MYO16: variants seen among roughly 807,000 people sequenced by gnomAD.
MYO16 encodes the protein unconventional myosin-XVI.
MYO16 carries 94 observed loss-of-function variants against 205.3 expected under a neutral mutation model. The observed-to-expected ratio is 0.46, with a 90% CI of 0.39 to 0.54. The LOEUF is 0.54. MYO16 is among the 20% of genes least tolerant of loss of function. The pLI, the probability that MYO16 is intolerant of heterozygous loss-of-function variation, is 0.00. For synonymous variants in MYO16, 988 were observed against 954.0 expected (o/e 1.04, Z -0.66); for missense variants, 2,315 against 2,387.5 (o/e 0.97, Z 0.63).
chr13:108,586,151 C>G, the MYO16 span, among the ~76,000 whole-genome samples: 1 of 152,158 alleles, frequency 6.6e-6, no homozygotes, highest in South Asian at 2.1e-4. Context: ...AACACACACA[C>G]ATACACACAT....
intron 32 of MYO16, among the ~76,000 whole-genome samples, chr13:109,150,021 A>G (rs1213892113): frequency 6.6e-6 from 1 of 152,138 alleles, no homozygotes; most frequent in African/African-American, 2.4e-5. Flanking sequence ...CTTCAACCTC[A>G]TAAGTGGGGT....
chr13:109,011,539 G>A (rs578187036), intron 22 of MYO16, among the ~76,000 whole-genome samples: 1 of 136,772 alleles, frequency 7.3e-6, no homozygotes, highest in Admixed American at 8.3e-5. Context: ...GTTTGAGACA[G>A]AGTCTCGCTC....
At chr13:108,798,697 T>A (rs1037563843) in intron 6 of MYO16, among the ~76,000 whole-genome samples, 25 of 105,458 alleles carry the variant, frequency 2.4e-4, no homozygotes, top group South Asian at 3.9e-4. Context: ...TATTTTTTTT[T>A]TTTTTTTTTT....
chr13:108,581,415 C>T, the MYO16 span, among the ~76,000 whole-genome samples: 2 of 152,196 alleles, frequency 1.3e-5, no homozygotes, highest in South Asian at 4.1e-4. Flanking sequence ...CTGTCTAATT[C>T]TTTTTCAAGG....
chr13:108,867,619 C>T (rs1205171036), intron 12 of MYO16, among the ~76,000 whole-genome samples: 2 of 152,306 alleles, frequency 1.3e-5, no homozygotes, highest in East Asian at 3.9e-4. Context: ...AAGCTCAGTT[C>T]TGTATCTTTC....
At chr13:108,592,671 G>C (rs1566495309), upstream of MYO16, among the ~76,000 whole-genome samples, 2 of 149,484 alleles carry the variant, frequency 1.3e-5, no homozygotes. Context: ...GGAGTGGGGT[G>C]GGGCTGTGGG....
At chr13:108,932,070 T>C (rs1036582655) in intron 16 of MYO16, among the ~76,000 whole-genome samples, 1 of 152,252 alleles carries the variant, frequency 6.6e-6, no homozygotes, top group Non-Finnish European at 1.5e-5. Flanking sequence ...CTTCATTCCT[T>C]TGTGAACGGT....
Position 109,046,827 on chromosome 13 carries a change from C to A in MYO16, c.2797-89C>A, listed in dbSNP as rs1209183029. On this transcript the variant is annotated intron_variant, in intron 23 of 34. Coordinates refer to ENST00000457511, the MANE Select transcript of MYO16 (RefSeq NM_001198950.3). ...CACTTCTTTTATGAATATTTGAAAACTTCAGCTGGGTCAAGTTATCCTTTA... is the reference window on the plus strand; with the variant it reads ...CACTTCTTTTATGAATATTTGAAAAATTCAGCTGGGTCAAGTTATCCTTTA... The A allele has an allele frequency of 6.3e-6, 7 of 1,111,376 alleles. No individual in the cohort carries two copies. In the Admixed American group the frequency reaches 9.8e-5, roughly 16 times the overall value. The allele number at this position is 1,111,376 out of a possible 1,614,324, so 68.8% of individuals were successfully genotyped here.
chr13:108,990,267 A>G (rs1884785175), intron 20 of MYO16, among the ~76,000 whole-genome samples: 1 of 152,138 alleles, frequency 6.6e-6, no homozygotes, highest in Admixed American at 6.6e-5. Flanking sequence ...CTCTTTGTGC[A>G]TATCATAAGG....
chr13:108,622,363 T>C (rs572096224), intron 1 of MYO16, among the ~76,000 whole-genome samples: 3 of 152,202 alleles, frequency 2.0e-5, no homozygotes, highest in African/African-American at 4.8e-5. Flanking sequence ...TCACAGGAAT[T>C]TGAACCTCAA....
At chr13:109,019,580 G>A (rs1252454298) in intron 22 of MYO16, 131 bp from the exon 23 acceptor site, 3 of 689,486 alleles carry the variant, frequency 4.4e-6, no homozygotes, top group Admixed American at 2.9e-5. Context: ...ATATATTAAG[G>A]TAAAGACTGA....
chr13:108,622,167 A>G (rs973196398), intron 1 of MYO16, among the ~76,000 whole-genome samples: 1 of 152,172 alleles, frequency 6.6e-6, no homozygotes, highest in Non-Finnish European at 1.5e-5. Flanking sequence ...ACTCTAGGAA[A>G]GGCAGTGATG....
intron 16 of MYO16, among the ~76,000 whole-genome samples, chr13:108,911,244 C>T (rs558428419): frequency 1.3e-5 from 2 of 152,244 alleles, no homozygotes; most frequent in South Asian, 4.1e-4. Flanking sequence ...CTCTGCTTTG[C>T]TGTGCTATTT....
the MYO16 span, among the ~76,000 whole-genome samples, chr13:108,569,186 A>T: frequency 6.6e-6 from 1 of 152,100 alleles, no homozygotes; most frequent in Non-Finnish European, 1.5e-5. Flanking sequence ...CAGCTTGCCA[A>T]ATTTATCACA....
chr13:108,811,135 G>A (rs2138993568), intron 7 of MYO16, among the ~76,000 whole-genome samples: 1 of 152,126 alleles, frequency 6.6e-6, no homozygotes, highest in Non-Finnish European at 1.5e-5. Flanking sequence ...TACAAATGCT[G>A]GAATCTAAGT....
rs1315375934 is a variant in MYO16, at chr13:108,820,382, C to T, written c.913C>T (p.Leu305Phe). The T allele has an allele frequency of 6.2e-7, 1 of 1,607,342 alleles. No individual in the cohort carries two copies. Among genetic ancestry groups the T allele is most frequent in the South Asian group, 1.1e-5 (1 of 89,756 alleles). Residue 305 changes from leucine (L) to phenylalanine (F), a missense_variant, in exon 8 of 35, where the codon CTC becomes TTC. This residue lies in a region of MYO16 where 1,213 missense variants were observed against 1,274.4 expected (regional missense o/e 0.95). Coordinates refer to ENST00000457511, the MANE Select transcript of MYO16 (RefSeq NM_001198950.3). ...LLLMHQANPH[L>F]VNCNEEKASD... ...CCTGATGCATCAGGCAAACCCACAC[C>T]TCGTGAACTGTAATGAGGAGAAGGC...
chr13:109,024,986 A>G (rs895116967), intron 23 of MYO16, among the ~76,000 whole-genome samples: 2 of 152,220 alleles, frequency 1.3e-5, no homozygotes, highest in East Asian at 1.9e-4. Flanking sequence ...TCAACATGCA[A>G]GGTCTAGTTT....
chr13:109,017,548 G>T (rs780305104), intron 22 of MYO16, among the ~76,000 whole-genome samples: 9 of 152,074 alleles, frequency 5.9e-5, no homozygotes, highest in Non-Finnish European at 1.3e-4. Flanking sequence ...TGGATATCCT[G>T]AAGAGTGTTT....
At chr13:108,858,884 T>C (rs1266064618) in intron 11 of MYO16, among the ~76,000 whole-genome samples, 1 of 152,176 alleles carries the variant, frequency 6.6e-6, no homozygotes, top group Non-Finnish European at 1.5e-5. Flanking sequence ...TGGGTGCCTC[T>C]ACCCTGGCCA....
Sources: gnomAD v4.1 joint callset for allele counts (sites outside exome capture counted in the v4.1 genomes callset) on GRCh38, gnomAD v4.1.1 for gene constraint, gnomAD v4.1.1 regional missense constraint, MANE v1.5 for transcripts, NCBI Gene and HGNC (gene_info 2026-07-23, HGNC 2026-07-21) for gene names.